IL31RA: variants seen among roughly 807,000 people sequenced by gnomAD.
IL31RA encodes interleukin 31 receptor A, also known as interleukin-31 receptor subunit alpha.
Under a neutral mutation model 83.7 loss-of-function variants are expected in IL31RA, and 66 were observed. That is an observed-to-expected ratio of 0.79 (90% confidence interval 0.65 to 0.97). The LOEUF is 0.97. IL31RA is among the 50% of genes least tolerant of loss of function. The pLI, the probability that IL31RA is intolerant of heterozygous loss-of-function variation, is 0.00. For missense variants in IL31RA, 798 were observed against 919.4 expected, an observed-to-expected ratio of 0.87 and a Z score of 1.71; for synonymous variants, 325 against 329.0, an observed-to-expected ratio of 0.99 and a Z score of 0.13.
intron 12 of IL31RA, among the ~76,000 whole-genome samples, chr5:55,911,704 T>C (rs1314881982): frequency 2.6e-5 from 4 of 152,064 alleles, no homozygotes; most frequent in Admixed American, 2.0e-4. Flanking sequence ...GAAACAGATA[T>C]ATATTAATTT....
Position 55,879,568 on chromosome 5 carries a change from G to A in IL31RA, c.455-3476G>A, listed in dbSNP as rs559110932. 1.5e-4 allele frequency among the ~76,000 whole-genome samples: 23 copies of A among 150,934 alleles called. No individual in the cohort carries two copies. The South Asian group carries it at 4.9e-3, about 32-fold the overall frequency. ...CTGCCTCAGCCTCCCAGGCAGCTGG[G>A]ACTACAGGCACGCACCACCATACCC... On this transcript the variant is annotated intron_variant, in intron 4 of 14. Coordinates refer to ENST00000652347, the MANE Select transcript of IL31RA (RefSeq NM_139017.7).
chr5:55,871,312 T>A (rs1396433819), intron 3 of IL31RA, among the ~76,000 whole-genome samples: 1 of 152,182 alleles, frequency 6.6e-6, no homozygotes, highest in African/African-American at 2.4e-5. Flanking sequence ...ATTCCATGAT[T>A]CTATGTGTCT....
intron 4 of IL31RA, among the ~76,000 whole-genome samples, chr5:55,880,130 A>G (rs1251345783): frequency 2.0e-5 from 3 of 152,238 alleles, no homozygotes; most frequent in Non-Finnish European, 4.4e-5. Flanking sequence ...ACCTAAAAAA[A>G]TACTTATCAA....
Position 55,879,734 on chromosome 5 carries a change from CTTT to C in IL31RA, c.455-3296_455-3294del, listed in dbSNP as rs5868002. On this transcript the variant is annotated intron_variant, in intron 4 of 14. Transcript: ENST00000652347. Reference sequence around the variant, plus strand: ...CATGAGCCTCCAAGCCCAGTCCAGTCTTTTTTTTTTTTTTTTCAATGTTTTCAT... The same window carrying C: ...CATGAGCCTCCAAGCCCAGTCCAGTCTTTTTTTTTTTTTCAATGTTTTCAT... Among the ~76,000 whole-genome samples the C allele has an allele frequency of 4.3e-3, 615 of 142,752 alleles. 7 individuals are homozygous for C. The highest frequency in any genetic ancestry group is 0.015 in the African/African-American group (588 of 39,370). The allele number at this position is 142,752 out of a possible 152,430, so 93.7% of individuals were successfully genotyped here. A position where few individuals can be genotyped will look rare whatever the true frequency, so the allele number is the denominator to read the frequency against.
Position 55,909,778 on chromosome 5 carries a change from C to T in IL31RA, c.1502-754C>T, listed in dbSNP as rs533214407. On this transcript the variant is annotated intron_variant, in intron 11 of 14. Coordinates refer to ENST00000652347, the MANE Select transcript of IL31RA (RefSeq NM_139017.7). Reference sequence around the variant, plus strand: ...GGAGTGCAATGGCACGATCTTGGCTCGCTGCAACCTCCACCTCCCAGGTTC... The same window carrying T: ...GGAGTGCAATGGCACGATCTTGGCTTGCTGCAACCTCCACCTCCCAGGTTC... Among the ~76,000 whole-genome samples the T allele has an allele frequency of 4.6e-5, 7 of 150,630 alleles. No individual in the cohort carries two copies. The South Asian group carries it at 1.5e-3, about 31-fold the overall frequency.
chr5:55,875,450 C>T (rs1452600207), intron 4 of IL31RA, among the ~76,000 whole-genome samples: 1 of 152,046 alleles, frequency 6.6e-6, no homozygotes, highest in African/African-American at 2.4e-5. Context: ...ATTTTTAAAC[C>T]TGTCAATAGA....
chr5:55,876,644 T>C (rs987631613), intron 4 of IL31RA, among the ~76,000 whole-genome samples: 1 of 152,210 alleles, frequency 6.6e-6, no homozygotes, highest in African/African-American at 2.4e-5. Flanking sequence ...CCTGCTCTCT[T>C]TTGTTTACTA....
At chr5:55,849,706 C>G (rs998085489), upstream of IL31RA, among the ~76,000 whole-genome samples, 1 of 152,196 alleles carries the variant, frequency 6.6e-6, no homozygotes, top group African/African-American at 2.4e-5. Flanking sequence ...CTGGCGTCTG[C>G]CACTCACTTG....
At chr5:55,873,259 A>G (rs904686709) in intron 4 of IL31RA, among the ~76,000 whole-genome samples, 41 of 152,182 alleles carry the variant, frequency 2.7e-4, no homozygotes, top group African/African-American at 9.9e-4. Flanking sequence ...TTATAGCTAA[A>G]TAATATTCCA....
intron 8 of IL31RA, among the ~76,000 whole-genome samples, chr5:55,901,224 G>T (rs1255170886): frequency 6.6e-6 from 1 of 152,086 alleles, no homozygotes; most frequent in Non-Finnish European, 1.5e-5. Flanking sequence ...CCTAGTTCCC[G>T]CCTGTCCAAC....
chr5:55,861,826 C>A (rs1745707139), intron 2 of IL31RA, among the ~76,000 whole-genome samples: 1 of 152,216 alleles, frequency 6.6e-6, no homozygotes, highest in South Asian at 2.1e-4. Context: ...GCTCCAATAT[C>A]CACCATTCTT....
intron 1 of IL31RA, among the ~76,000 whole-genome samples, chr5:55,852,000 G>C (rs76033116): frequency 1.1e-3 from 171 of 152,158 alleles, no homozygotes; most frequent in African/African-American, 3.8e-3. Flanking sequence ...TGCTCAATTG[G>C]TCTTGTCTTA....
In IL31RA at chr5:55,917,708, C is replaced by T. The variant is rs1396871771; in HGVS notation, c.*588C>T. 6.6e-6 allele frequency among the ~76,000 whole-genome samples: 1 copy of T among 152,160 alleles called. No homozygotes were observed. Among genetic ancestry groups the T allele is most frequent in the East Asian group, 1.9e-4 (1 of 5,190 alleles). ...CTCACATCCTCTTAGATCTCAAGTG[C>T]CTGTAGCAACACCGCACCTGAGAAT... On this transcript the variant is annotated 3_prime_UTR_variant, in exon 15 of 15. Transcript: ENST00000652347.
rs1190413696 is a variant in IL31RA at position 55,917,741 on chromosome 5, C to T, written c.*621C>T. On this transcript the variant is annotated 3_prime_UTR_variant, in exon 15 of 15. Coordinates refer to ENST00000652347, the MANE Select transcript of IL31RA (RefSeq NM_139017.7). Reference sequence around the variant, plus strand: ...AACACCGCACCTGAGAATCCTCACCCCCAATTTAGACTGCATTGACTACTA... The same window carrying T: ...AACACCGCACCTGAGAATCCTCACCTCCAATTTAGACTGCATTGACTACTA... Among the ~76,000 whole-genome samples the T allele has an allele frequency of 6.6e-6, 1 of 151,846 alleles. No individual in the cohort carries two copies. Among genetic ancestry groups the T allele is most frequent in the African/African-American group, 2.4e-5 (1 of 41,134 alleles).
chr5:55,870,043 C>T (rs1461441527), intron 3 of IL31RA, among the ~76,000 whole-genome samples: 2 of 152,162 alleles, frequency 1.3e-5, no homozygotes, highest in African/African-American at 4.8e-5. Context: ...TGCTTTAAAA[C>T]AGGAGTCAGC....
upstream of IL31RA, among the ~76,000 whole-genome samples, chr5:55,847,032 C>T (rs1409809400): frequency 6.8e-6 from 1 of 147,456 alleles, no homozygotes; most frequent in Non-Finnish European, 1.5e-5. Flanking sequence ...ATCATGAGGT[C>T]AGGAGTTTGA....
intron 11 of IL31RA, among the ~76,000 whole-genome samples, chr5:55,910,124 A>T (rs1173478599): frequency 6.6e-6 from 1 of 152,162 alleles, no homozygotes; most frequent in African/African-American, 2.4e-5. Flanking sequence ...GATATAAGTT[A>T]TTTATCAGAT....
chr5:55,873,763 G>A (rs1305006984), intron 4 of IL31RA, among the ~76,000 whole-genome samples: 1 of 151,926 alleles, frequency 6.6e-6, no homozygotes, highest in Non-Finnish European at 1.5e-5. Context: ...TTATTGTTGA[G>A]TTTTAAGAAT....
Position 55,921,312 on chromosome 5 carries a change from G to C in IL31RA, c.*4192G>C, listed in dbSNP as rs1226434536. 6.6e-6 allele frequency among the ~76,000 whole-genome samples: 1 copy of C among 152,156 alleles called. No homozygotes were observed. Among genetic ancestry groups the C allele is most frequent in the Admixed American group, 6.5e-5 (1 of 15,274 alleles). On this transcript the variant is annotated 3_prime_UTR_variant, in exon 15 of 15. Coordinates refer to ENST00000652347, the MANE Select transcript of IL31RA (RefSeq NM_139017.7). ...TTGCAAATCATACTGAATACATTAT[G>C]TTCTCCCATATATAAAAATTCATGC...
Sources: gnomAD v4.1 joint callset for allele counts (sites outside exome capture counted in the v4.1 genomes callset) on GRCh38, gnomAD v4.1.1 for gene constraint, MANE v1.5 for transcripts, NCBI Gene and HGNC (gene_info 2026-07-23, HGNC 2026-07-21) for gene names.